The following NRXN3 variants were observed in gnomAD, a reference collection of about 807,000 sequenced individuals.
NRXN3 encodes neurexin 3, also known as neurexin III.
In NRXN3, 32 loss-of-function variants were observed where a neutral mutation model predicts 137.6. The observed-to-expected ratio is 0.23, with a 90% CI of 0.18 to 0.31. The LOEUF is 0.31. Ranked by LOEUF, NRXN3 falls within the 10% of genes least tolerant of loss-of-function variation. The pLI is 1.00. For missense variants in NRXN3, 1,574 were observed against 2,062.5 expected (o/e 0.76, Z 4.59); for synonymous variants, 798 against 784.5 (o/e 1.02, Z -0.29).
chr14:79,705,823 G>T (rs976914444), intron 19 of NRXN3, among the ~76,000 whole-genome samples: 2 of 152,062 alleles, frequency 1.3e-5, no homozygotes, highest in African/African-American at 4.8e-5. Flanking sequence ...ACTTATCACT[G>T]CCTGACATTA....
At chr14:79,752,922 C>T (rs2099003518) in intron 19 of NRXN3, among the ~76,000 whole-genome samples, 1 of 152,194 alleles carries the variant, frequency 6.6e-6, no homozygotes, top group African/African-American at 2.4e-5. Flanking sequence ...TATGAACAGA[C>T]ACTTCTCAAA....
At chr14:79,424,682 C>T (rs1017926575) in intron 15 of NRXN3, among the ~76,000 whole-genome samples, 1 of 152,128 alleles carries the variant, frequency 6.6e-6, no homozygotes, top group African/African-American at 2.4e-5. Flanking sequence ...TTCTCAGAGC[C>T]TCTGAAGCAA....
intron 15 of NRXN3, among the ~76,000 whole-genome samples, chr14:79,294,500 G>A (rs889209812): frequency 6.6e-5 from 10 of 152,166 alleles, no homozygotes; most frequent in African/African-American, 2.4e-4. Flanking sequence ...TGTGTGGTAG[G>A]AGGACAGGTA....
At chr14:78,806,507 T>C (rs1379568675) in intron 9 of NRXN3, among the ~76,000 whole-genome samples, 1 of 152,174 alleles carries the variant, frequency 6.6e-6, no homozygotes, top group Non-Finnish European at 1.5e-5. Context: ...TCTATTCAAG[T>C]TGTGTCTTTT....
rs146112214 is a variant in NRXN3 at position 78,675,165 on chromosome 14, A to G, written c.1221+23839A>G. Reference sequence around the variant, plus strand: ...TGTCCTGTGAACAGACATAAGGCCTAAATAAGAGGCAGAATTGGGAGGCTT... The same window carrying G: ...TGTCCTGTGAACAGACATAAGGCCTGAATAAGAGGCAGAATTGGGAGGCTT... On this transcript the variant is annotated intron_variant, in intron 6 of 20. Coordinates refer to ENST00000335750, the MANE Select transcript of NRXN3 (RefSeq NM_001330195.2). Among the ~76,000 whole-genome samples, 10 of 152,306 alleles carry G rather than the reference A, an allele frequency of 6.6e-5. No individual in the cohort carries two copies. In the East Asian group the frequency reaches 1.9e-3, roughly 29 times the overall value.
At chr14:79,399,045 A>AAAG (rs2095113600) in intron 15 of NRXN3, among the ~76,000 whole-genome samples, 1 of 146,722 alleles carries the variant, frequency 6.8e-6, no homozygotes, top group Non-Finnish European at 1.5e-5. Context: ...AAAAAAAAAA[A>AAAG]GCTGGGAGTT....
At chr14:79,411,124 A>G (rs1347767282) in intron 15 of NRXN3, among the ~76,000 whole-genome samples, 2 of 152,138 alleles carry the variant, frequency 1.3e-5, no homozygotes, top group Non-Finnish European at 2.9e-5. Flanking sequence ...CCTGTTCACA[A>G]TCTTGATCAT....
intron 15 of NRXN3, among the ~76,000 whole-genome samples, chr14:79,138,838 AT>A (rs2058513202): frequency 1.3e-5 from 2 of 152,192 alleles, no homozygotes; most frequent in African/African-American, 2.4e-5. Context: ...AACATTGCCT[AT>A]TTTTTTCTTC....
intron 15 of NRXN3, among the ~76,000 whole-genome samples, chr14:79,309,837 T>A (rs1445173630): frequency 7.3e-6 from 1 of 136,440 alleles, no homozygotes; most frequent in Non-Finnish European, 1.5e-5. Flanking sequence ...TATTAGCCCT[T>A]TGTCAGATGA....
intron 8 of NRXN3, among the ~76,000 whole-genome samples, chr14:78,755,723 C>T (rs2098665203): frequency 6.6e-6 from 1 of 152,086 alleles, no homozygotes; most frequent in Non-Finnish European, 1.5e-5. Flanking sequence ...AGTAGCAGTC[C>T]CCTACCAACC....
At chr14:79,498,721 C>T (rs530293502) in intron 16 of NRXN3, among the ~76,000 whole-genome samples, 32 of 152,216 alleles carry the variant, frequency 2.1e-4, no homozygotes, top group Non-Finnish European at 4.0e-4. Flanking sequence ...CGAAGCCACT[C>T]GAGTCATCTC....
At chr14:78,772,853 T>G (rs985225934) in intron 8 of NRXN3, among the ~76,000 whole-genome samples, 2 of 152,176 alleles carry the variant, frequency 1.3e-5, no homozygotes, top group African/African-American at 4.8e-5. Context: ...TTGTTGAAAA[T>G]GCAATTTTAA....
chr14:78,454,520 T>TACA (rs1447331031), intron 4 of NRXN3, among the ~76,000 whole-genome samples: 8 of 152,228 alleles, frequency 5.3e-5, no homozygotes, highest in Non-Finnish European at 7.3e-5. Flanking sequence ...TCCCAGGTGA[T>TACA]TCTAATGTGT....
At chr14:78,326,854 A>G (rs1273297599) in intron 4 of NRXN3, among the ~76,000 whole-genome samples, 1 of 151,982 alleles carries the variant, frequency 6.6e-6, no homozygotes, top group East Asian at 1.9e-4. Flanking sequence ...AATTGTGAAC[A>G]GAATGGATCT....
chr14:79,587,509 A>T (rs925414091), intron 16 of NRXN3, among the ~76,000 whole-genome samples: 1 of 152,212 alleles, frequency 6.6e-6, no homozygotes, highest in Non-Finnish European at 1.5e-5. Flanking sequence ...TTAGATGGCA[A>T]ATATACTTAA....
In NRXN3 at chr14:79,861,231, G is replaced by T; in HGVS notation, c.4094-111G>T. ...TTGTCGGACCAAGGCAGCGATGGTT[G>T]TGATGATGATGGCTTGGTGATATCT... is the stretch of plus-strand genomic sequence containing the variant. On this transcript the variant is annotated intron_variant, in intron 20 of 20. Coordinates refer to ENST00000335750, the MANE Select transcript of NRXN3 (RefSeq NM_001330195.2). The surrounding 1 kb of genome is among the most constrained non-coding windows in gnomAD (Gnocchi z 5.4). The T allele has an allele frequency of 1.3e-6, 2 of 1,535,368 alleles. No homozygotes were observed. Among genetic ancestry groups the T allele is most frequent in the East Asian group, 2.4e-5 (1 of 40,878 alleles).
At chr14:78,379,647 T>G (rs1284013915) in intron 4 of NRXN3, among the ~76,000 whole-genome samples, 2 of 152,218 alleles carry the variant, frequency 1.3e-5, no homozygotes, top group African/African-American at 4.8e-5. Context: ...ACAGCTAACA[T>G]TATAATTCAT....
intron 15 of NRXN3, among the ~76,000 whole-genome samples, chr14:79,389,709 A>G (rs767530644): frequency 7.2e-5 from 11 of 152,198 alleles, no homozygotes; most frequent in Non-Finnish European, 1.2e-4. Context: ...GCTTTTGTCT[A>G]AGAGTTGAAT....
chr14:78,423,664 A>G (rs974429882), intron 4 of NRXN3, among the ~76,000 whole-genome samples: 9 of 152,232 alleles, frequency 5.9e-5, no homozygotes, highest in Non-Finnish European at 7.3e-5. Context: ...TTCTCTTAGT[A>G]AAAACATTGA....
Sources: gnomAD v4.1 joint callset for allele counts (sites outside exome capture counted in the v4.1 genomes callset) on GRCh38, gnomAD v4.1.1 for gene constraint, Gnocchi (gnomAD v3.1) non-coding constraint, MANE v1.5 for transcripts, NCBI Gene and HGNC (gene_info 2026-07-23, HGNC 2026-07-21) for gene names.